Variants in CAMK1D observed in about 807,000 individuals in gnomAD.
The protein encoded by CAMK1D is calcium/calmodulin-dependent protein kinase type 1D.
A neutral mutation model predicts 47.7 loss-of-function variants in CAMK1D; 9 were observed. That is an observed-to-expected ratio of 0.19 (90% CI 0.11 to 0.33). The LOEUF (loss-of-function observed/expected upper bound fraction) is 0.33. Ranked by LOEUF, CAMK1D falls within the 10% of genes least tolerant of loss-of-function variation. The pLI is 1.00. For synonymous variants in CAMK1D, 184 were observed against 184.9 expected, an observed-to-expected ratio of 0.99 and a Z score of 0.04; for missense variants, 291 against 488.7, an observed-to-expected ratio of 0.60 and a Z score of 3.81.
intron 1 of CAMK1D, among the ~76,000 whole-genome samples, chr10:12,377,409 G>T (rs1838216117): frequency 6.6e-6 from 1 of 152,150 alleles, no homozygotes; most frequent in Admixed American, 6.6e-5. Flanking sequence ...TCTTATATGA[G>T]TGGATGTTGT....
At chr10:12,534,219 A>C (rs1458719547) in intron 1 of CAMK1D, among the ~76,000 whole-genome samples, 1 of 152,000 alleles carries the variant, frequency 6.6e-6, no homozygotes, top group Non-Finnish European at 1.5e-5. Context: ...TCAGTCAATC[A>C]ATGTATCAAT....
chr10:12,399,484 A>T (rs1044799836), intron 1 of CAMK1D, among the ~76,000 whole-genome samples: 7 of 151,850 alleles, frequency 4.6e-5, no homozygotes, highest in African/African-American at 1.7e-4. Flanking sequence ...TGCCTGGGTG[A>T]CAGAGCAAGA....
chr10:12,627,825 A>G (rs1398047319), intron 2 of CAMK1D, among the ~76,000 whole-genome samples: 1 of 152,222 alleles, frequency 6.6e-6, no homozygotes, highest in African/African-American at 2.4e-5. Context: ...TCACGCCTGT[A>G]GTCCGAAATT....
chr10:12,791,777 A>C (rs576331635), intron 6 of CAMK1D, among the ~76,000 whole-genome samples: 2 of 152,332 alleles, frequency 1.3e-5, no homozygotes, highest in Admixed American at 1.3e-4. Flanking sequence ...TGCTGTGAAC[A>C]CAAGTGTAGA....
chr10:12,754,503 A>T (rs1057439050), intron 3 of CAMK1D, among the ~76,000 whole-genome samples: 1 of 152,262 alleles, frequency 6.6e-6, no homozygotes, highest in African/African-American at 2.4e-5. Context: ...GGAAAAATAT[A>T]TAAAGAGAAT....
intron 1 of CAMK1D, among the ~76,000 whole-genome samples, chr10:12,449,052 A>G (rs1833004497): frequency 6.6e-6 from 1 of 152,162 alleles, no homozygotes; most frequent in African/African-American, 2.4e-5. Context: ...GTATGATTCT[A>G]TCCAGATTCT....
intron 1 of CAMK1D, among the ~76,000 whole-genome samples, chr10:12,508,276 G>A (rs1341790161): frequency 9.9e-5 from 15 of 152,226 alleles, no homozygotes; most frequent in Non-Finnish European, 2.9e-5. Context: ...GGATGAAAGA[G>A]CAAACAAAAT....
intron 1 of CAMK1D, among the ~76,000 whole-genome samples, chr10:12,506,240 G>A (rs554093228): frequency 1.3e-5 from 2 of 152,142 alleles, no homozygotes; most frequent in South Asian, 2.1e-4. Context: ...CCAACATGGC[G>A]AAACCCCCGT....
chr10:12,780,623 G>T (rs1395702327), intron 5 of CAMK1D, among the ~76,000 whole-genome samples: 1 of 152,124 alleles, frequency 6.6e-6, no homozygotes, highest in Non-Finnish European at 1.5e-5. Context: ...TCTGTTCCCA[G>T]TCCTTTCGTC....
At chr10:12,804,226 C>G (rs1396286383) in intron 6 of CAMK1D, among the ~76,000 whole-genome samples, 1 of 152,198 alleles carries the variant, frequency 6.6e-6, no homozygotes, top group Non-Finnish European at 1.5e-5. Context: ...ATGTTCAGTA[C>G]AACTTCTTAA....
At chr10:12,630,433 G>A (rs1417779525) in intron 2 of CAMK1D, among the ~76,000 whole-genome samples, 2 of 149,382 alleles carry the variant, frequency 1.3e-5, no homozygotes, top group Non-Finnish European at 3.0e-5. Context: ...CTGGAGAACA[G>A]TGGTGTGATC....
intron 3 of CAMK1D, among the ~76,000 whole-genome samples, chr10:12,750,196 G>T (rs1382323480): frequency 6.6e-6 from 1 of 152,142 alleles, no homozygotes; most frequent in Non-Finnish European, 1.5e-5. Flanking sequence ...CAGGCGCTGA[G>T]TATGTGTGTT....
intron 5 of CAMK1D, among the ~76,000 whole-genome samples, chr10:12,774,818 T>C (rs141661428): frequency 1.1e-3 from 167 of 152,366 alleles, no homozygotes; most frequent in African/African-American, 3.7e-3. Context: ...CGCGCTCCTT[T>C]TGAGACTCTA....
chr10:12,611,352 G>A (rs1021067658), intron 2 of CAMK1D, among the ~76,000 whole-genome samples: 7 of 152,096 alleles, frequency 4.6e-5, no homozygotes, highest in African/African-American at 1.4e-4. Context: ...CCCCTTCCGT[G>A]CTGACATTCT....
In CAMK1D at chr10:12,753,068, A is replaced by C. The variant is rs150609852; in HGVS notation, c.300-7880A>C. 7.5e-3 allele frequency among the ~76,000 whole-genome samples: 1,138 copies of C among 152,330 alleles called. 17 individuals carry two copies. The highest frequency in any genetic ancestry group is 0.026 in the African/African-American group (1,082 of 41,566). ...AGAGATTGAGACCATCGTGGCCAAC[A>C]TGGTGAAACCCCATCTCTACTAAAA... On this transcript the variant is annotated intron_variant, in intron 3 of 10. Transcript: ENST00000619168.
intron 2 of CAMK1D, among the ~76,000 whole-genome samples, chr10:12,643,337 T>A (rs1403072973): frequency 1.3e-5 from 2 of 152,152 alleles, no homozygotes; most frequent in Non-Finnish European, 2.9e-5. Context: ...GAACTTGCCT[T>A]ATTGGGCCAT....
intron 3 of CAMK1D, among the ~76,000 whole-genome samples, chr10:12,692,326 A>G (rs139271977): frequency 6.6e-6 from 1 of 152,352 alleles, no homozygotes; most frequent in East Asian, 1.9e-4. Context: ...CAGTTACACA[A>G]GAATACACAC....
chr10:12,545,460 A>G, intron 1 of CAMK1D, among the ~76,000 whole-genome samples: 1 of 148,756 alleles, frequency 6.7e-6, no homozygotes, highest in South Asian at 2.1e-4. Flanking sequence ...CAGTAAAAAA[A>G]AAAAAAAAAA....
At chr10:12,590,517 TG>T (rs1837965825) in intron 2 of CAMK1D, among the ~76,000 whole-genome samples, 1 of 152,250 alleles carries the variant, frequency 6.6e-6, no homozygotes. Context: ...TGAGCCACTT[TG>T]CCTGGCCCTG....
Sources: allele counts gnomAD v4.1 joint callset (sites outside exome capture counted in the v4.1 genomes callset), GRCh38; gene constraint gnomAD v4.1.1; transcripts MANE v1.5; gene names NCBI Gene and HGNC (gene_info 2026-07-23, HGNC 2026-07-21).